Variants in WDR37 observed in about 807,000 individuals in gnomAD.
WDR37 encodes WD repeat-containing protein 37.
WDR37 carries 19 observed loss-of-function variants against 62.9 expected under a neutral mutation model. That is an observed-to-expected ratio of 0.30 (90% confidence interval 0.21 to 0.44). The LOEUF is 0.44. WDR37 is among the 20% of genes least tolerant of loss of function. The pLI, the probability that WDR37 is intolerant of heterozygous loss-of-function variation, is 1.00. For synonymous variants in WDR37, 250 were observed against 260.9 expected (o/e 0.96, Z 0.40); for missense variants, 474 against 657.6 (o/e 0.72, Z 3.05).
intron 13 of WDR37, among the ~76,000 whole-genome samples, chr10:1,126,323 G>A (rs902027229): frequency 6.9e-4 from 99 of 143,800 alleles, no homozygotes; most frequent in African/African-American, 1.3e-3. Flanking sequence ...GGAGAATGGC[G>A]TGAACCCAGG....
chr10:1,091,156 G>A (rs1185049077), intron 7 of WDR37, among the ~76,000 whole-genome samples: 1 of 152,196 alleles, frequency 6.6e-6, no homozygotes, highest in Non-Finnish European at 1.5e-5. Flanking sequence ...GTGCCTGCCT[G>A]CCCTACCCCT....
chr10:1,126,354 T>G lies in WDR37; in HGVS notation c.1353+1330T>G, dbSNP rs10794722. Among the ~76,000 whole-genome samples, 29 of 148,000 alleles carry G rather than the reference T, an allele frequency of 2.0e-4. 1 individual carries two copies. In the South Asian group the frequency reaches 3.7e-3, roughly 19 times the overall value. ...CCAGGAGGCGGAGCTTGCAGTGAGC[T>G]GAGATCGCGCCACTGCACTCCAGCC... On this transcript the variant is annotated intron_variant, in intron 13 of 13. Coordinates refer to ENST00000263150, the MANE Select transcript of WDR37 (RefSeq NM_014023.4).
chr10:1,096,238 G>A lies in WDR37; in HGVS notation c.718G>A (p.Asp240Asn), dbSNP rs780091285. ...VQLPTPQPVA[D>N]TSISGEDEVE... ...GCTGCCGACACCCCAGCCTGTTGCTGACACTAGTGTAAGCACCTTTCCTTA... is the reference window on the plus strand; with the variant it reads ...GCTGCCGACACCCCAGCCTGTTGCTAACACTAGTGTAAGCACCTTTCCTTA... Residue 240 changes from aspartate (D) to asparagine (N), a missense_variant, in exon 9 of 14, where the codon GAC becomes AAC. Transcript: ENST00000263150. 1.2e-6 allele frequency: 2 copies of A among 1,614,016 alleles called. No individual in the cohort carries two copies. The highest frequency in any genetic ancestry group is 3.3e-5 in the Admixed American group (2 of 60,018).
At chr10:1,107,003 C>T (rs981172119) in intron 11 of WDR37, among the ~76,000 whole-genome samples, 1 of 152,190 alleles carries the variant, frequency 6.6e-6, no homozygotes, top group Non-Finnish European at 1.5e-5. Flanking sequence ...ATTCTGCCAG[C>T]TCCGTCAGCG....
At chr10:1,072,370 T>C in intron 2 of WDR37, 77 bp downstream of exon 2, 1 of 1,557,272 alleles carries the variant, frequency 6.4e-7, no homozygotes, top group East Asian at 2.3e-5. Context: ...CCGGCTGGAG[T>C]GCGATGGTGC....
intron 9 of WDR37, among the ~76,000 whole-genome samples, chr10:1,100,758 T>C (rs1834766778): frequency 6.6e-6 from 1 of 152,210 alleles, no homozygotes; most frequent in Non-Finnish European, 1.5e-5. Context: ...CCGTGGCTGC[T>C]CCTGGCTCTT....
intron 11 of WDR37, among the ~76,000 whole-genome samples, chr10:1,110,043 C>G (rs1424296061): frequency 6.6e-6 from 1 of 152,230 alleles, no homozygotes; most frequent in African/African-American, 2.4e-5. Context: ...GCCATGCTTA[C>G]TCAGATCGTT....
intron 6 of WDR37, among the ~76,000 whole-genome samples, chr10:1,085,393 G>T (rs1428166338): frequency 6.6e-6 from 1 of 152,216 alleles, no homozygotes; most frequent in Non-Finnish European, 1.5e-5. Flanking sequence ...AACACTACCT[G>T]GGCACGTAGC....
chr10:1,095,455 G>C (rs1337276127), intron 8 of WDR37, among the ~76,000 whole-genome samples: 1 of 152,144 alleles, frequency 6.6e-6, no homozygotes, highest in Non-Finnish European at 1.5e-5. Context: ...TGGGCATGAT[G>C]TTGATTTGAG....
rs552272166 is a variant in WDR37 at position 1,126,249 on chromosome 10, C to G, written c.1353+1225C>G. Among the ~76,000 whole-genome samples the G allele has an allele frequency of 1.6e-3, 245 of 151,972 alleles. 1 individual carries two copies. The highest frequency in any genetic ancestry group is 2.9e-3 in the Non-Finnish European group (194 of 67,928). On this transcript the variant is annotated intron_variant, in intron 13 of 13. Coordinates refer to ENST00000263150, the MANE Select transcript of WDR37 (RefSeq NM_014023.4). ...TGAAACCCTGTCTCTAATAAAAATA[C>G]AAAAAAATCAGCCAGGCGTGGTGGC...
intron 8 of WDR37, among the ~76,000 whole-genome samples, chr10:1,095,372 A>G (rs1340083585): frequency 7.3e-6 from 1 of 136,878 alleles, no homozygotes; most frequent in East Asian, 2.5e-4. Flanking sequence ...GTGAGGTAAC[A>G]GGCATGGAGA....
intron 11 of WDR37, among the ~76,000 whole-genome samples, chr10:1,114,211 C>T (rs983842971): frequency 6.6e-6 from 1 of 152,190 alleles, no homozygotes; most frequent in Non-Finnish European, 1.5e-5. Flanking sequence ...CCTGCCTTGG[C>T]CTCCCAAAGT....
intron 11 of WDR37, among the ~76,000 whole-genome samples, chr10:1,114,755 T>G (rs1835334598): frequency 6.6e-6 from 1 of 152,268 alleles, no homozygotes; most frequent in Non-Finnish European, 1.5e-5. Context: ...TAAGTTCTTT[T>G]CTGTTCGTGT....
chr10:1,080,293 A>T (rs907572668), intron 4 of WDR37, 119 bp from the exon 5 acceptor site: 33 of 1,357,464 alleles, frequency 2.4e-5, no homozygotes, highest in Non-Finnish European at 3.4e-5. Context: ...CTGTGTCACT[A>T]GGGTCAAACG....
At chr10:1,082,852 A>G (rs1307751146) in intron 5 of WDR37, among the ~76,000 whole-genome samples, 1 of 152,084 alleles carries the variant, frequency 6.6e-6, no homozygotes, top group African/African-American at 2.4e-5. Flanking sequence ...TACCCTGCGA[A>G]TGGAGCAGGT....
chr10:1,074,949 G>A (rs535356494), intron 2 of WDR37, among the ~76,000 whole-genome samples: 2 of 152,384 alleles, frequency 1.3e-5, no homozygotes, highest in South Asian at 2.1e-4. Context: ...CTTCCCGCAC[G>A]TGCGTGCAGG....
chr10:1,068,496 A>G (rs1833624666), intron 1 of WDR37, among the ~76,000 whole-genome samples: 1 of 152,076 alleles, frequency 6.6e-6, no homozygotes, highest in African/African-American at 2.4e-5. Flanking sequence ...GGGGTGGTGG[A>G]CACCCTAAAT....
intron 11 of WDR37, among the ~76,000 whole-genome samples, chr10:1,106,443 G>A (rs139836325): frequency 6.6e-6 from 1 of 152,318 alleles, no homozygotes; most frequent in Admixed American, 6.5e-5. Context: ...TATGTTTAAC[G>A]TTAGTTACTA....
intron 11 of WDR37, among the ~76,000 whole-genome samples, chr10:1,122,329 G>C (rs1342207351): frequency 6.6e-6 from 1 of 152,200 alleles, no homozygotes; most frequent in Admixed American, 6.5e-5. Flanking sequence ...CTTCAGTGCG[G>C]GGTGAGGCGG....
Sources: allele counts gnomAD v4.1 joint callset (sites outside exome capture counted in the v4.1 genomes callset), GRCh38; gene constraint gnomAD v4.1.1; transcripts MANE v1.5; gene names NCBI Gene and HGNC (gene_info 2026-07-23, HGNC 2026-07-21).